The following EYA1 variants were observed in gnomAD, a reference collection of about 807,000 sequenced individuals.
EYA1 encodes the protein EYA transcriptional coactivator and phosphatase 1.
Under a neutral mutation model 82.0 loss-of-function variants are expected in EYA1, and 16 were observed. That is an observed-to-expected ratio of 0.20 (90% CI 0.13 to 0.30). The LOEUF is 0.30. Ranked by LOEUF, EYA1 falls within the 10% of genes least tolerant of loss-of-function variation. The pLI, the probability that EYA1 is intolerant of heterozygous loss-of-function variation, is 1.00. For missense variants in EYA1, 633 were observed against 730.7 expected, an observed-to-expected ratio of 0.87 and a Z score of 1.54; for synonymous variants, 261 against 264.4, an observed-to-expected ratio of 0.99 and a Z score of 0.12.
intron 2 of EYA1, among the ~76,000 whole-genome samples, chr8:71,439,218 A>C (rs1453918196): frequency 6.6e-6 from 1 of 152,096 alleles, no homozygotes; most frequent in Non-Finnish European, 1.5e-5. Flanking sequence ...AGAACCCAAA[A>C]TGCTTGACCA....
rs538018243 is a variant in EYA1, at chr8:71,319,112, A to G, written c.419-1423T>C. On this transcript the variant is annotated intron_variant, in intron 6 of 17. Coordinates refer to ENST00000340726, the MANE Select transcript of EYA1 (RefSeq NM_000503.6). ...CTGCTTCCAGCCTTCACCTATACCA[A>G]TAAAATACCAATAATTCATGTATTT... is the stretch of plus-strand genomic sequence containing the variant. Among the ~76,000 whole-genome samples, 438 of 149,796 alleles carry G rather than the reference A, an allele frequency of 2.9e-3. 1 individual carries two copies. The highest frequency in any genetic ancestry group is 0.01 in the African/African-American group (409 of 40,376).
upstream of EYA1, among the ~76,000 whole-genome samples, chr8:71,365,492 C>T (rs1333508114): frequency 6.6e-6 from 1 of 152,034 alleles, no homozygotes; most frequent in Non-Finnish European, 1.5e-5. Flanking sequence ...AAGCGAAATC[C>T]CACTCATTAT....
In EYA1 at chr8:71,532,268, C is replaced by T. The variant is rs73294805; in HGVS notation, c.33+3476G>A. ...GGGCTTCCCTGCACTGCCACCCTCC[C>T]ATCCACTGAAAGCACAGGGAAGCTC... On this transcript the variant is annotated intron_variant, in intron 2 of 18. Coordinates refer to the EYA1 transcript ENST00000643681. Among the ~76,000 whole-genome samples, 856 of 152,268 alleles carry T rather than the reference C, an allele frequency of 5.6e-3. 10 individuals carry two copies. The highest frequency in any genetic ancestry group is 0.019 in the African/African-American group (805 of 41,552).
At chr8:71,462,312 C>A (rs536233250) in intron 2 of EYA1, among the ~76,000 whole-genome samples, 7 of 152,280 alleles carry the variant, frequency 4.6e-5, no homozygotes, top group African/African-American at 1.7e-4. Flanking sequence ...AGGGGACTGG[C>A]GTGCCAGTGC....
At chr8:71,300,890 A>G (rs559107555) in intron 7 of EYA1, among the ~76,000 whole-genome samples, 1 of 152,242 alleles carries the variant, frequency 6.6e-6, no homozygotes, top group South Asian at 2.1e-4. Context: ...TTAAAGCATG[A>G]CAAATTTTCA....
intron 2 of EYA1, among the ~76,000 whole-genome samples, chr8:71,379,149 G>A (rs944630066): frequency 2.0e-5 from 3 of 152,028 alleles, no homozygotes; most frequent in African/African-American, 7.2e-5. Context: ...AGGATGAGGA[G>A]GCCACAAATG....
intron 17 of EYA1, among the ~76,000 whole-genome samples, chr8:71,208,413 C>G (rs531257343): frequency 2.6e-5 from 4 of 152,004 alleles, no homozygotes; most frequent in African/African-American, 9.7e-5. Context: ...GCCTGGGTGA[C>G]GGAGACTCTT....
chr8:71,301,212 G>A (rs1423280871), intron 7 of EYA1, among the ~76,000 whole-genome samples: 1 of 152,150 alleles, frequency 6.6e-6, no homozygotes, highest in African/African-American at 2.4e-5. Context: ...TGGCTTAAGA[G>A]TCAGAAAACA....
chr8:71,463,488 G>A (rs1563639830), intron 2 of EYA1, among the ~76,000 whole-genome samples: 1 of 151,676 alleles, frequency 6.6e-6, no homozygotes, highest in East Asian at 1.9e-4. Flanking sequence ...AGATCTCTAA[G>A]GTTAATTCCA....
intron 7 of EYA1, among the ~76,000 whole-genome samples, chr8:71,314,396 C>G (rs1177119678): frequency 7.2e-5 from 11 of 152,140 alleles, no homozygotes; most frequent in Non-Finnish European, 1.6e-4. Flanking sequence ...TATCCATCAT[C>G]ATTTTGGCAA....
At chr8:71,353,707 T>C (rs1826542678) in intron 3 of EYA1, among the ~76,000 whole-genome samples, 1 of 152,238 alleles carries the variant, frequency 6.6e-6, no homozygotes, top group African/African-American at 2.4e-5. Context: ...CATATTGGAA[T>C]ATCACACCAA....
At chr8:71,469,451 T>A (rs1197242260) in intron 2 of EYA1, among the ~76,000 whole-genome samples, 1 of 152,038 alleles carries the variant, frequency 6.6e-6, no homozygotes, top group East Asian at 1.9e-4. Flanking sequence ...GTTGTGAGGA[T>A]CAAATGAAAT....
At chr8:71,241,485 C>T (rs1812474557) in intron 12 of EYA1, among the ~76,000 whole-genome samples, 1 of 152,076 alleles carries the variant, frequency 6.6e-6, no homozygotes, top group Non-Finnish European at 1.5e-5. Context: ...TTTCACTAGT[C>T]AGAATGTCTT....
intron 2 of EYA1, among the ~76,000 whole-genome samples, chr8:71,376,957 A>G (rs1289430707): frequency 6.6e-6 from 1 of 151,922 alleles, no homozygotes; most frequent in Non-Finnish European, 1.5e-5. Context: ...CTCTGTGTAT[A>G]TGCTCACATG....
intron 2 of EYA1, among the ~76,000 whole-genome samples, chr8:71,368,440 T>G (rs1827885425): frequency 6.6e-6 from 1 of 151,030 alleles, no homozygotes. Context: ...TTGTAGAGAG[T>G]GGATGCAGGG....
At chr8:71,463,607 CTCTCTCTCTCTCTCTCTCT>C (rs1563640021) in intron 2 of EYA1, among the ~76,000 whole-genome samples, 3 of 137,770 alleles carry the variant, frequency 2.2e-5, no homozygotes, top group African/African-American at 8.5e-5. Flanking sequence ...CTCTCTCTCT[CTCTCTCTCTCTCTCTCTCT>C]CTCTCTCCCT....
At chr8:71,342,845 C>T (rs535220050) in intron 3 of EYA1, among the ~76,000 whole-genome samples, 2 of 152,146 alleles carry the variant, frequency 1.3e-5, no homozygotes, top group South Asian at 4.1e-4. Flanking sequence ...TTAGTTTTTG[C>T]TAAATGTTTA....
intron 2 of EYA1, among the ~76,000 whole-genome samples, chr8:71,372,331 T>C (rs939514229): frequency 2.0e-5 from 3 of 152,172 alleles, no homozygotes; most frequent in African/African-American, 7.2e-5. Context: ...TAGAATTTTA[T>C]AACCTACTAT....
chr8:71,443,308 G>T (rs374322998), intron 2 of EYA1, among the ~76,000 whole-genome samples: 3 of 152,108 alleles, frequency 2.0e-5, no homozygotes, highest in Non-Finnish European at 2.9e-5. Context: ...TTTTTGGCGG[G>T]GGGGATAGAG....
Sources: allele counts gnomAD v4.1 joint callset (sites outside exome capture counted in the v4.1 genomes callset), GRCh38; gene constraint gnomAD v4.1.1; transcripts MANE v1.5; gene names NCBI Gene and HGNC (gene_info 2026-07-23, HGNC 2026-07-21).